ARHGAP22: variants seen among roughly 807,000 people sequenced by gnomAD.
ARHGAP22 encodes the protein rho GTPase-activating protein 22.
ARHGAP22 carries 48 observed loss-of-function variants against 59.1 expected under a neutral mutation model. That is an observed-to-expected ratio of 0.81 (90% CI 0.64 to 1.03). The LOEUF is 1.03. Ranked by LOEUF, ARHGAP22 falls within the 50% of genes least tolerant of loss-of-function variation. The pLI is 0.00. For synonymous variants in ARHGAP22, 445 were observed against 416.4 expected, an observed-to-expected ratio of 1.07 and a Z score of -0.84; for missense variants, 1,015 against 958.7, an observed-to-expected ratio of 1.06 and a Z score of -0.78.
intron 4 of ARHGAP22, among the ~76,000 whole-genome samples, chr10:48,467,534 C>T (rs1365434091): frequency 2.0e-5 from 3 of 151,514 alleles, no homozygotes; most frequent in African/African-American, 4.9e-5. Flanking sequence ...TGGAGTAACA[C>T]TTGTTAGAAG....
intron 3 of ARHGAP22, among the ~76,000 whole-genome samples, chr10:48,498,256 C>T (rs543855438): frequency 5.6e-4 from 85 of 152,232 alleles, no homozygotes; most frequent in African/African-American, 2.0e-3. Context: ...GCAGGGACCA[C>T]GGCAGCCACA....
chr10:48,522,963 G>A (rs1451607042), intron 3 of ARHGAP22, among the ~76,000 whole-genome samples: 1 of 152,192 alleles, frequency 6.6e-6, no homozygotes, highest in African/African-American at 2.4e-5. Context: ...TTTTTAAATA[G>A]TTAAGTATTA....
rs375782488 is a variant in ARHGAP22 at position 48,584,732 on chromosome 10, C to T, written c.35-1580G>A. Among the ~76,000 whole-genome samples the T allele has an allele frequency of 1.4e-4, 21 of 152,294 alleles. No individual in the cohort carries two copies. In the East Asian group the frequency reaches 2.1e-3, roughly 15 times the overall value. ...AGTACTGGCTGGGCGCGGTGGCTCA[C>T]GCCTGTAATCCCAGCACTTTGGGAG... On this transcript the variant is annotated intron_variant, in intron 1 of 9. Coordinates refer to ENST00000249601, the MANE Select transcript of ARHGAP22 (RefSeq NM_021226.4).
chr10:48,569,818 C>G (rs2058286920), intron 2 of ARHGAP22, among the ~76,000 whole-genome samples: 1 of 152,184 alleles, frequency 6.6e-6, no homozygotes, highest in South Asian at 2.1e-4. Context: ...CGGGGGCAAC[C>G]AAGACATTGT....
chr10:48,577,934 G>A (rs1031970763), intron 2 of ARHGAP22, among the ~76,000 whole-genome samples: 66 of 147,190 alleles, frequency 4.5e-4, no homozygotes, highest in African/African-American at 1.5e-3. Context: ...TCAGCCTCCC[G>A]AGTAGCTGGG....
rs1589414613 is a variant in ARHGAP22, at chr10:48,450,882, C to T, written c.1247G>A (p.Cys416Tyr). The T allele has an allele frequency of 1.9e-6, 3 of 1,587,674 alleles. No individual in the cohort carries two copies. The highest frequency in any genetic ancestry group is 4.5e-5 in the East Asian group (2 of 44,528). Residue 416 changes from cysteine to tyrosine, a missense_variant, in exon 9 of 10, where the codon TGC becomes TAC. Coordinates refer to ENST00000249601, the MANE Select transcript of ARHGAP22 (RefSeq NM_021226.4). The part of the protein sequence containing the change: ...RTAPTGPGSR[C>Y]SPGKKVQTLP... ...GGTCTGCACCTTCTTCCCAGGGCTG[C>T]ACCGGCTCCCCGGCCCCGTGGGGGC...
At chr10:48,497,251 A>G (rs922754909) in intron 3 of ARHGAP22, among the ~76,000 whole-genome samples, 5 of 152,162 alleles carry the variant, frequency 3.3e-5, no homozygotes, top group Non-Finnish European at 7.4e-5. Context: ...CCTGAAGGAG[A>G]GCAGGATCCT....
chr10:48,570,029 T>A (rs1485940173), intron 2 of ARHGAP22, among the ~76,000 whole-genome samples: 1 of 152,266 alleles, frequency 6.6e-6, no homozygotes, highest in South Asian at 2.1e-4. Context: ...ATTACTTAAA[T>A]CTTGTGTTTT....
At chr10:48,540,205 T>C (rs1353622195) in intron 3 of ARHGAP22, among the ~76,000 whole-genome samples, 1 of 152,222 alleles carries the variant, frequency 6.6e-6, no homozygotes, top group Admixed American at 6.5e-5. Flanking sequence ...TGTGCACTAG[T>C]ACACACAGAC....
intron 5 of ARHGAP22, among the ~76,000 whole-genome samples, chr10:48,459,057 T>C (rs1053553078): frequency 3.3e-5 from 5 of 152,130 alleles, no homozygotes; most frequent in Non-Finnish European, 1.5e-5. Context: ...TAGAGAGAAC[T>C]CTATGAAAAA....
At chr10:48,497,628 CT>C (rs1200825607) in intron 3 of ARHGAP22, among the ~76,000 whole-genome samples, 1 of 152,056 alleles carries the variant, frequency 6.6e-6, no homozygotes, top group African/African-American at 2.4e-5. Flanking sequence ...GAAAACAGCT[CT>C]GGAAAGAAGA....
intron 1 of ARHGAP22, among the ~76,000 whole-genome samples, chr10:48,592,068 C>T (rs958360038): frequency 3.3e-5 from 5 of 152,300 alleles, no homozygotes; most frequent in Non-Finnish European, 4.4e-5. Context: ...GTGCTATATT[C>T]ACATTAGAAA....
At chr10:48,646,034 A>G (rs556351483) in intron 1 of ARHGAP22, among the ~76,000 whole-genome samples, 2 of 152,336 alleles carry the variant, frequency 1.3e-5, no homozygotes, top group South Asian at 4.1e-4. Context: ...GCAAAAATCA[A>G]TTGTATACCT....
intron 3 of ARHGAP22, among the ~76,000 whole-genome samples, chr10:48,543,341 C>T (rs1270363195): frequency 6.6e-6 from 1 of 152,178 alleles, no homozygotes; most frequent in Non-Finnish European, 1.5e-5. Flanking sequence ...CAGAATCAAA[C>T]ACAGTCCAGG....
Position 48,604,919 on chromosome 10 carries a change from G to T in ARHGAP22, c.-123C>A. The T allele has an allele frequency of 6.4e-7, 1 of 1,569,758 alleles. No individual in the cohort carries two copies. The highest frequency in any genetic ancestry group is 1.1e-5 in the South Asian group (1 of 87,548). On this transcript the variant is annotated 5_prime_UTR_variant, in exon 1 of 10. Transcript: ENST00000249601. ...CGTTCGGGGCCCCGTGGCCGCTGGCGTCACCCGTCAGGCTCCCTCGGCTAC... is the reference window on the plus strand; with the variant it reads ...CGTTCGGGGCCCCGTGGCCGCTGGCTTCACCCGTCAGGCTCCCTCGGCTAC...
intron 5 of ARHGAP22, among the ~76,000 whole-genome samples, chr10:48,459,080 T>C (rs61838725): frequency 0.05 from 7,651 of 152,164 alleles, 263 homozygotes; most frequent in African/African-American, 0.093. Context: ...TGCCCCATAA[T>C]GGGTGGGGGC....
At chr10:48,607,935 T>A (rs1391213633), upstream of ARHGAP22, among the ~76,000 whole-genome samples, 1 of 152,224 alleles carries the variant, frequency 6.6e-6, no homozygotes, top group Non-Finnish European at 1.5e-5. Flanking sequence ...TGGCTGCCAA[T>A]CAGCATCAAC....
intron 2 of ARHGAP22, among the ~76,000 whole-genome samples, chr10:48,562,797 A>G (rs1221923302): frequency 6.6e-6 from 1 of 152,232 alleles, no homozygotes; most frequent in Non-Finnish European, 1.5e-5. Flanking sequence ...TGTCAATTAT[A>G]CCTCAATAAA....
intron 1 of ARHGAP22, among the ~76,000 whole-genome samples, chr10:48,629,651 C>T (rs1332132869): frequency 6.6e-6 from 1 of 152,120 alleles, no homozygotes; most frequent in African/African-American, 2.4e-5. Context: ...AGGTTGCATG[C>T]TTCCTTCATT....
Sources: allele counts gnomAD v4.1 joint callset (sites outside exome capture counted in the v4.1 genomes callset), GRCh38; gene constraint gnomAD v4.1.1; transcripts MANE v1.5; gene names NCBI Gene and HGNC (gene_info 2026-07-23, HGNC 2026-07-21).